WDR90: variants seen among roughly 807,000 people sequenced by gnomAD.
The protein encoded by WDR90 is WD repeat domain 90, also known as WD repeat-containing protein 90.
In WDR90, 238 loss-of-function variants were observed where a neutral mutation model predicts 195.2. The ratio of observed to expected loss-of-function variants is 1.22; its 90% CI spans 1.10 to 1.36. The LOEUF is 1.36. Ranked by LOEUF, WDR90 falls within the 40% of genes most tolerant of loss-of-function variation. WDR90 has a pLI of 0.00. For missense variants in WDR90, 2,734 were observed against 2,439.5 expected (o/e 1.12, Z -2.54); for synonymous variants, 1,265 against 1,052.4 (o/e 1.20, Z -3.91).
rs1459586801 is a variant in WDR90 at position 659,127 on chromosome 16, G to A, written c.3052+1G>A. ...GGGGCCCCCCCAGCCTGCAAGACAGGTGAGTGGCTGTGCTCAGCTGGGGTG... is the reference window on the plus strand; with the variant it reads ...GGGGCCCCCCCAGCCTGCAAGACAGATGAGTGGCTGTGCTCAGCTGGGGTG... On this transcript the variant is annotated splice_donor_variant, in intron 25 of 40. Transcript: ENST00000293879. LOFTEE classifies it high-confidence loss of function. 1 of 1,611,400 alleles carries A rather than the reference G, an allele frequency of 6.2e-7. No homozygotes were observed. Among genetic ancestry groups the A allele is most frequent in the Non-Finnish European group, 8.5e-7 (1 of 1,179,858 alleles).
At chr16:662,503 T>G (rs1596468794) in intron 33 of WDR90, 172 bp downstream of exon 33, 1 of 1,182,918 alleles carries the variant, frequency 8.5e-7, no homozygotes, top group Non-Finnish European at 1.2e-6. Flanking sequence ...TGCTGTCGAG[T>G]ACGGGCATGG....
Position 658,881 on chromosome 16 carries a change from C to G in WDR90, c.2896-15C>G, listed in dbSNP as rs370138277. ...CCCCGCCTCGGGGTCCTGCATGTGA[C>G]GCCGCTACCCCTAGGTGTACATCGG... On this transcript the variant is annotated splice_polypyrimidine_tract_variant and intron_variant, in intron 23 of 40. Transcript: ENST00000293879. The G allele has an allele frequency of 6.2e-7, 1 of 1,610,196 alleles. No individual in the cohort carries two copies.
Position 662,241 on chromosome 16 carries a change from C to G in WDR90, c.4055C>G (p.Ser1352Cys). Residue 1352 changes from serine (S) to cysteine (C), a missense_variant, in exon 33 of 41, where the codon TCT (serine) becomes TGT (cysteine). Coordinates refer to ENST00000293879, the MANE Select transcript of WDR90 (RefSeq NM_145294.5). The stretch of plus-strand genomic sequence containing the variant: ...CTAGGGCTGTTGCTGTTCTCGGGTT[C>G]TCGATTGGTCAGCGGCAGCAGCACG... ...GGIGLLLFSG[S>C]RLVSGSSTGR... 1.3e-6 allele frequency: 2 copies of G among 1,578,374 alleles called. No homozygotes were observed. The highest frequency in any genetic ancestry group is 2.3e-5 in the East Asian group (1 of 43,226).
intron 20 of WDR90, 50 bp from the exon 21 acceptor site, chr16:657,712 C>G: frequency 1.3e-6 from 2 of 1,486,310 alleles, no homozygotes; most frequent in African/African-American, 1.5e-5. Context: ...CCTGGCCACG[C>G]GCACCCCGGC....
At chr16:661,813 C>T (rs1567221415) in intron 31 of WDR90, 26 bp downstream of exon 31, 2 of 1,587,788 alleles carry the variant, frequency 1.3e-6, no homozygotes, top group Non-Finnish European at 8.6e-7. Context: ...CGTTTGGGCC[C>T]AGGGGTTGTT....
chr16:659,271 G>A lies in WDR90; in HGVS notation c.3079G>A (p.Ala1027Thr), dbSNP rs75025148. 3.0e-4 allele frequency: 477 copies of A among 1,609,938 alleles called. 1 individual carries two copies. The East Asian group carries it at 6.2e-3, about 21-fold the overall frequency. The change falls in exon 26 of 41, where the codon GCA (alanine) becomes ACA (threonine). Residue 1027 changes from alanine to threonine, a missense_variant. Physicochemically the swap from Ala to Thr is moderately conservative, Grantham distance 58. Coordinates refer to ENST00000293879, the MANE Select transcript of WDR90 (RefSeq NM_145294.5). ...CCCGGGCGCAGGACCGCTGGAGGAC[G>A]CAGCGTCCAGGGCCAGCGAGCTCCC... ...TGPGAGPLED[A>T]ASRASELPRQ...
intron 34 of WDR90, among the ~76,000 whole-genome samples, chr16:664,338 G>C (rs550827312): frequency 2.0e-5 from 3 of 152,350 alleles, no homozygotes; most frequent in African/African-American, 7.2e-5. Flanking sequence ...TTCTCACCCT[G>C]AGCATGGTTT....
rs1474120566 is a variant in WDR90 at position 662,958 on chromosome 16, G to A, written c.4311+114G>A. The stretch of plus-strand genomic sequence containing the variant: ...TTCCAAGTCCTGCCGTCACTGGCTC[G>A]CAGCGGCCGCCTTGGGGTTCCCAGC... On this transcript the variant is annotated intron_variant, in intron 34 of 40. Coordinates refer to ENST00000293879, the MANE Select transcript of WDR90 (RefSeq NM_145294.5). 1.2e-5 allele frequency: 17 copies of A among 1,461,518 alleles called. 1 individual carries two copies. Among genetic ancestry groups the A allele is most frequent in the South Asian group, 8.6e-5 (7 of 81,750 alleles). 90.5% of individuals were successfully genotyped at this position (1,461,518 alleles called of 1,614,324 possible).
At position 658,267 on chromosome 16, in the gene WDR90, C is replaced by G. The variant is rs1478888990; in HGVS notation, c.2689C>G (p.Leu897Val). The change falls in exon 22 of 41, where the codon CTG (leucine) becomes GTG (valine). Residue 897 changes from leucine (L) to valine (V), a missense_variant. Coordinates refer to ENST00000293879, the MANE Select transcript of WDR90 (RefSeq NM_145294.5). ...AMAVCFGPAA[L>V]GHLLVSTSSN... ...GGCTGTGTGCTTTGGCCCTGCAGCT[C>G]TGGGCCACCTGCTGGTGTCCACCTC... The G allele has an allele frequency of 1.9e-6, 3 of 1,612,632 alleles. No homozygotes were observed. Among genetic ancestry groups the G allele is most frequent in the South Asian group, 1.1e-5 (1 of 91,088 alleles).
At chr16:657,991 G>A (rs1304383199) in intron 21 of WDR90, 99 bp downstream of exon 21, 11 of 1,459,038 alleles carry the variant, frequency 7.5e-6, no homozygotes, top group South Asian at 4.2e-5. Flanking sequence ...CAGGACCCAG[G>A]CCCTGTCCCG....
Position 661,074 on chromosome 16 carries a change from C to G in WDR90, c.3415C>G (p.Arg1139Gly). The stretch of plus-strand genomic sequence containing the variant: ...AGGCTTCTTTGCCTACACGTGCGGC[C>G]GCCTGGTGGTGGTGGAGGACCTGCA... ...DTGFFAYTCG[R>G]LVVVEDLHSG... The change falls in exon 29 of 41, where the codon CGC (arginine) becomes GGC (glycine). Residue 1139 changes from arginine to glycine, a missense_variant. Coordinates refer to ENST00000293879, the MANE Select transcript of WDR90 (RefSeq NM_145294.5). The G allele has an allele frequency of 6.6e-7, 1 of 1,508,492 alleles. No homozygotes were observed. Among genetic ancestry groups the G allele is most frequent in the Non-Finnish European group, 8.8e-7 (1 of 1,142,610 alleles). 93.4% of individuals were successfully genotyped at this position (1,508,492 alleles called of 1,614,324 possible).
At chr16:659,428 C>T (rs953612642) in intron 26 of WDR90, 52 bp downstream of exon 26, 57 of 1,568,102 alleles carry the variant, frequency 3.6e-5, no homozygotes, top group Admixed American at 9.5e-5. Context: ...TCTGAGAGGG[C>T]ACAGGCCCAG....
At chr16:662,394 T>C in intron 33 of WDR90, 63 bp downstream of exon 33, 9 of 1,516,434 alleles carry the variant, frequency 5.9e-6, no homozygotes, top group Non-Finnish European at 8.0e-6. Context: ...GACTGGGGCT[T>C]GCAGCCAGTG....
intron 22 of WDR90, 26 bp downstream of exon 22, chr16:658,370 G>C (rs374393888): frequency 1.2e-5 from 19 of 1,608,712 alleles, no homozygotes; most frequent in Non-Finnish European, 1.7e-6. Flanking sequence ...GTGGCCCGCC[G>C]ACCTGGCCCT....
chr16:663,954 T>C (rs1473383111), intron 34 of WDR90, among the ~76,000 whole-genome samples: 1 of 152,190 alleles, frequency 6.6e-6, no homozygotes, highest in Non-Finnish European at 1.5e-5. Flanking sequence ...ACGGGATTGA[T>C]TTTTCCTTGA....
chr16:655,488 C>A lies in WDR90; in HGVS notation c.1718+20C>A. ...CATGCTGTGAGTCCCTGCCCTTCCC[C>A]ACGGCCTGCCCCGGCATGGGGGCCC... is the stretch of plus-strand genomic sequence containing the variant. On this transcript the variant is annotated intron_variant, in intron 15 of 40. Transcript: ENST00000293879. 6.5e-7 allele frequency: 1 copy of A among 1,528,590 alleles called. No individual in the cohort carries two copies. Among genetic ancestry groups the A allele is most frequent in the Non-Finnish European group, 8.8e-7 (1 of 1,137,448 alleles). 94.7% of individuals were successfully genotyped at this position (1,528,590 alleles called of 1,614,324 possible).
chr16:659,746 C>T (rs375355666), intron 26 of WDR90, among the ~76,000 whole-genome samples: 8 of 152,290 alleles, frequency 5.3e-5, no homozygotes, highest in African/African-American at 1.9e-4. Flanking sequence ...GCCTGGGCTG[C>T]GGCAGTGGGC....
rs932850213 is a variant in WDR90 at position 667,343 on chromosome 16, G to T, written c.5090-89G>T. 2.1e-5 allele frequency: 32 copies of T among 1,497,982 alleles called. No individual in the cohort carries two copies. The African/African-American group carries it at 4.1e-4, about 19-fold the overall frequency. The allele number at this position is 1,497,982 out of a possible 1,614,324, so 92.8% of individuals were successfully genotyped here. ...CACCAGCTCCCCCGACCAGCATCAT[G>T]CCCAGTGGGGACAGTCTGGGTGGGT... On this transcript the variant is annotated intron_variant, in intron 40 of 40. Transcript: ENST00000293879.
chr16:660,105 G>C lies in WDR90; in HGVS notation c.3232G>C (p.Ala1078Pro). The C allele has an allele frequency of 6.5e-7, 1 of 1,548,308 alleles. No homozygotes were observed. ...GGGGGCCCCACGCACCACCTACCTGGCTTCCTGCAAGGCCTTCACGCCTGC... is the reference window on the plus strand; with the variant it reads ...GGGGGCCCCACGCACCACCTACCTGCCTTCCTGCAAGGCCTTCACGCCTGC... ...NSGAPRTTYL[A>P]SCKAFTPARV... is the part of the protein sequence containing the mutation. Residue 1078 changes from alanine (A) to proline (P), a missense_variant, in exon 27 of 41, where the codon GCT becomes CCT. By Grantham distance (27) the Ala-to-Pro change is conservative (BLOSUM62 -1). Coordinates refer to ENST00000293879, the MANE Select transcript of WDR90 (RefSeq NM_145294.5).
Sources: gnomAD v4.1 joint callset for allele counts (sites outside exome capture counted in the v4.1 genomes callset) on GRCh38, gnomAD v4.1.1 for gene constraint, MANE v1.5 for transcripts, NCBI Gene and HGNC (gene_info 2026-07-23, HGNC 2026-07-21) for gene names.